TANGO6: variants seen among roughly 807,000 people sequenced by gnomAD.
TANGO6 encodes transport and Golgi organization protein 6 homolog.
Under a neutral mutation model 114.2 loss-of-function variants are expected in TANGO6, and 90 were observed. The ratio of observed to expected loss-of-function variants is 0.79; its 90% CI spans 0.66 to 0.94. The LOEUF (loss-of-function observed/expected upper bound fraction) is 0.94. TANGO6 is among the 40% of genes least tolerant of loss of function. The probability of loss-of-function intolerance (pLI) is 0.00; values close to 1 mark genes in which losing one functional copy is unlikely to be tolerated. For synonymous variants in TANGO6, 477 were observed against 509.8 expected (o/e 0.94, Z 0.87); for missense variants, 1,274 against 1,315.3 (o/e 0.97, Z 0.49).
intron 14 of TANGO6, among the ~76,000 whole-genome samples, chr16:68,949,047 G>A (rs181240083): frequency 1.2e-4 from 18 of 152,290 alleles, no homozygotes; most frequent in Admixed American, 9.2e-4. Flanking sequence ...TTAGCTGAGC[G>A]TGGTGGTGCA....
In TANGO6 at chr16:68,843,685, C is replaced by A. The variant is rs1179912655; in HGVS notation, c.68C>A (p.Ala23Glu). Residue 23 changes from alanine to glutamate, a missense_variant, in exon 1 of 18, where the codon GCA (alanine) becomes GAA (glutamate). By Grantham distance (107) the Ala-to-Glu change is moderately radical. Transcript: ENST00000261778. ...ETCGLDRILE[A>E]LKLLLSPGGS... ...TGCGGTCTGGATCGGATTTTGGAGG[C>A]ATTGAAGCTGCTGCTGAGCCCGGGA... The A allele has an allele frequency of 6.2e-7, 1 of 1,613,602 alleles. No individual in the cohort carries two copies. Among genetic ancestry groups the A allele is most frequent in the African/African-American group, 1.3e-5 (1 of 74,930 alleles).
chr16:69,043,205 G>A (rs1302373708), intron 17 of TANGO6, among the ~76,000 whole-genome samples: 3 of 152,136 alleles, frequency 2.0e-5, no homozygotes, highest in East Asian at 1.9e-4. Flanking sequence ...CAGTCTGGGC[G>A]ACAGAGAGAG....
At chr16:68,922,483 C>T (rs1042061887) in intron 12 of TANGO6, among the ~76,000 whole-genome samples, 3 of 151,736 alleles carry the variant, frequency 2.0e-5, no homozygotes, top group Admixed American at 6.6e-5. Context: ...TTGCGGTGAG[C>T]GGAGACCATG....
At chr16:68,866,394 C>A (rs1422007871) in intron 3 of TANGO6, among the ~76,000 whole-genome samples, 1 of 147,566 alleles carries the variant, frequency 6.8e-6, no homozygotes, top group Admixed American at 6.7e-5. Context: ...GAGGCCGAGG[C>A]GGGTGGATCA....
chr16:69,016,386 G>T (rs1339805565), intron 15 of TANGO6, among the ~76,000 whole-genome samples: 3 of 148,504 alleles, frequency 2.0e-5, no homozygotes, highest in Non-Finnish European at 4.5e-5. Flanking sequence ...CAACAAGAGC[G>T]AAACTCCATC....
chr16:69,027,384 G>A (rs1959519802), intron 16 of TANGO6, among the ~76,000 whole-genome samples: 1 of 151,746 alleles, frequency 6.6e-6, no homozygotes, highest in South Asian at 2.1e-4. Flanking sequence ...CCCTTTAACT[G>A]TTCTCTGAGG....
intron 11 of TANGO6, among the ~76,000 whole-genome samples, chr16:68,914,159 T>G (rs983889419): frequency 5.3e-5 from 8 of 152,150 alleles, no homozygotes; most frequent in African/African-American, 1.9e-4. Flanking sequence ...TAGTGAATGT[T>G]TAATATTATT....
intron 7 of TANGO6, among the ~76,000 whole-genome samples, chr16:68,890,303 G>C (rs929675250): frequency 6.6e-6 from 1 of 152,160 alleles, no homozygotes; most frequent in African/African-American, 2.4e-5. Flanking sequence ...ACATTTGTAT[G>C]GGGTATATAT....
intron 1 of TANGO6, among the ~76,000 whole-genome samples, chr16:68,858,358 C>A (rs1050528419): frequency 8.5e-5 from 13 of 152,166 alleles, no homozygotes; most frequent in African/African-American, 3.1e-4. Context: ...GCCACCGCGC[C>A]CAGCGGAAGA....
chr16:68,963,592 A>C (rs1963615935), intron 14 of TANGO6, among the ~76,000 whole-genome samples: 1 of 152,236 alleles, frequency 6.6e-6, no homozygotes, highest in Non-Finnish European at 1.5e-5. Context: ...TCTACATGTT[A>C]GATGTGGACC....
chr16:68,903,615 CAA>C (rs1175415785), intron 9 of TANGO6, among the ~76,000 whole-genome samples: 6 of 59,236 alleles, frequency 1.0e-4, no homozygotes. Context: ...GAGACCATCT[CAA>C]AAAAAAAAAA....
intron 14 of TANGO6, among the ~76,000 whole-genome samples, chr16:68,954,308 G>A (rs1454264401): frequency 6.7e-6 from 1 of 150,194 alleles, no homozygotes; most frequent in Non-Finnish European, 1.5e-5. Context: ...AAACAGCAAA[G>A]CAGCAGGACT....
intron 15 of TANGO6, among the ~76,000 whole-genome samples, chr16:68,991,508 G>A (rs1211106215): frequency 6.6e-6 from 1 of 152,148 alleles, no homozygotes; most frequent in Non-Finnish European, 1.5e-5. Context: ...AGGTGTGGTG[G>A]TGCACTCCTG....
chr16:69,056,972 G>C (rs1484193725), intron 17 of TANGO6, among the ~76,000 whole-genome samples: 1 of 140,450 alleles, frequency 7.1e-6, no homozygotes, highest in Non-Finnish European at 1.5e-5. Flanking sequence ...GAGCCACCAA[G>C]CCCAGCCTTG....
rs181649563 is a variant in TANGO6 at position 69,031,092 on chromosome 16, A to T, written c.2994+8113A>T. Among the ~76,000 whole-genome samples, 28 of 152,008 alleles carry T rather than the reference A, an allele frequency of 1.8e-4. 1 individual carries two copies. In the East Asian group the frequency reaches 2.9e-3, roughly 16 times the overall value. ...TAAATTAAATTTTAAAAATTTAAAA[A>T]TTTTTTTTAAAAAAACTGAGATGAG... On this transcript the variant is annotated intron_variant, in intron 16 of 17. Transcript: ENST00000261778.
At chr16:68,889,756 T>G (rs1464192482) in intron 7 of TANGO6, among the ~76,000 whole-genome samples, 1 of 152,344 alleles carries the variant, frequency 6.6e-6, no homozygotes, top group East Asian at 1.9e-4. Flanking sequence ...GGCTCCAAAG[T>G]TGACTGTCCA....
At chr16:68,915,596 C>T (rs113811895) in intron 11 of TANGO6, among the ~76,000 whole-genome samples, 414 of 152,280 alleles carry the variant, frequency 2.7e-3, no homozygotes, top group Admixed American at 4.4e-3. Context: ...CTGGAGGCAA[C>T]ATAGTTGGCC....
At chr16:68,985,971 C>T (rs1963885409) in intron 15 of TANGO6, among the ~76,000 whole-genome samples, 2 of 152,100 alleles carry the variant, frequency 1.3e-5, no homozygotes, top group African/African-American at 4.8e-5. Flanking sequence ...ATCAAGGAAC[C>T]TGTCAGGGGA....
intron 14 of TANGO6, among the ~76,000 whole-genome samples, chr16:68,964,828 T>C (rs1474540094): frequency 1.3e-5 from 2 of 152,218 alleles, no homozygotes; most frequent in Non-Finnish European, 2.9e-5. Context: ...CCTCAGCTTC[T>C]CAAATGCTGG....
Sources: gnomAD v4.1 joint callset for allele counts (sites outside exome capture counted in the v4.1 genomes callset) on GRCh38, gnomAD v4.1.1 for gene constraint, MANE v1.5 for transcripts, NCBI Gene and HGNC (gene_info 2026-07-23, HGNC 2026-07-21) for gene names.